The following SOX6 variants were observed in gnomAD, a reference collection of about 807,000 sequenced individuals.
SOX6 encodes transcription factor SOX-6.
Under a neutral mutation model 97.8 loss-of-function variants are expected in SOX6, and 11 were observed. The observed-to-expected ratio is 0.11, with a 90% CI of 0.07 to 0.19. The LOEUF is 0.19. Ranked by LOEUF, SOX6 falls within the 10% of genes least tolerant of loss-of-function variation. SOX6 has a pLI of 1.00. For missense variants in SOX6, 810 were observed against 1,039.5 expected (o/e 0.78, Z 3.04); for synonymous variants, 360 against 371.4 (o/e 0.97, Z 0.35).
intron 4 of SOX6, among the ~76,000 whole-genome samples, chr11:16,193,439 C>A (rs1851685001): frequency 6.6e-6 from 1 of 152,056 alleles, no homozygotes; most frequent in Non-Finnish European, 1.5e-5. Flanking sequence ...AATTAATAGT[C>A]AACTAATGGC....
chr11:16,040,469 A>T (rs751209260), intron 12 of SOX6, among the ~76,000 whole-genome samples: 1 of 152,098 alleles, frequency 6.6e-6, no homozygotes, highest in East Asian at 1.9e-4. Context: ...TGTAAAATCC[A>T]ACATTAATAA....
chr11:16,723,980 C>T (rs1451625571), intron 2 of SOX6, among the ~76,000 whole-genome samples: 1 of 152,160 alleles, frequency 6.6e-6, no homozygotes, highest in Non-Finnish European at 1.5e-5. Context: ...TTCAACAACA[C>T]TAGTTTGTAT....
At chr11:16,299,430 T>A (rs1855190119) in intron 3 of SOX6, among the ~76,000 whole-genome samples, 1 of 152,146 alleles carries the variant, frequency 6.6e-6, no homozygotes, top group Admixed American at 6.5e-5. Context: ...AGATTTTTTT[T>A]ATAAAAAACG....
At chr11:16,235,934 A>G (rs1853006446) in intron 3 of SOX6, among the ~76,000 whole-genome samples, 1 of 152,068 alleles carries the variant, frequency 6.6e-6, no homozygotes, top group South Asian at 2.1e-4. Flanking sequence ...TCAATCAAGG[A>G]AGGGATAGAA....
chr11:16,029,833 T>C (rs1032290692), intron 12 of SOX6, among the ~76,000 whole-genome samples: 1 of 152,186 alleles, frequency 6.6e-6, no homozygotes, highest in Non-Finnish European at 1.5e-5. Flanking sequence ...AGATCATGAA[T>C]ATAATAATTA....
At chr11:16,708,093 T>C (rs1848150868) in intron 3 of SOX6, among the ~76,000 whole-genome samples, 1 of 152,152 alleles carries the variant, frequency 6.6e-6, no homozygotes, top group African/African-American at 2.4e-5. Context: ...AACTACCATA[T>C]AGCCACTTTA....
chr11:16,017,149 T>C (rs1854909523), intron 12 of SOX6, among the ~76,000 whole-genome samples: 2 of 152,036 alleles, frequency 1.3e-5, no homozygotes, highest in Non-Finnish European at 2.9e-5. Context: ...TTATAAAAAA[T>C]GAAGTGCACT....
chr11:16,193,141 G>A (rs1307901680), intron 4 of SOX6, among the ~76,000 whole-genome samples: 2 of 152,182 alleles, frequency 1.3e-5, no homozygotes, highest in Non-Finnish European at 1.5e-5. Flanking sequence ...AGAGTTAAGA[G>A]AGGAAAAGAG....
intron 7 of SOX6, among the ~76,000 whole-genome samples, chr11:16,109,464 C>T (rs1187210129): frequency 2.6e-5 from 4 of 151,948 alleles, no homozygotes; most frequent in Admixed American, 1.3e-4. Flanking sequence ...AGCCTCCCAA[C>T]GTGCTGGGAT....
chr11:16,125,438 A>G (rs2134012418), intron 6 of SOX6, among the ~76,000 whole-genome samples: 1 of 152,206 alleles, frequency 6.6e-6, no homozygotes, highest in East Asian at 1.9e-4. Flanking sequence ...TAAAAGTACA[A>G]AGATCGATAT....
intron 1 of SOX6, among the ~76,000 whole-genome samples, chr11:16,421,805 T>C (rs2133065794): frequency 6.6e-6 from 1 of 152,364 alleles, no homozygotes; most frequent in South Asian, 2.1e-4. Flanking sequence ...CACTGTTAAG[T>C]ATTGGAGTGA....
At chr11:16,373,821 G>GAGGAAGGA (rs149710263) in intron 1 of SOX6, among the ~76,000 whole-genome samples, 9 of 105,442 alleles carry the variant, frequency 8.5e-5, no homozygotes, top group African/African-American at 3.5e-4. Flanking sequence ...GGGAGGGAGA[G>GAGGAAGGA]AGGAAGGAAG....
At chr11:16,338,240 T>C (rs182396072) in intron 2 of SOX6, among the ~76,000 whole-genome samples, 4 of 152,190 alleles carry the variant, frequency 2.6e-5, no homozygotes, top group South Asian at 4.1e-4. Context: ...ATTAAAAAAC[T>C]ACAAGTTTTA....
intron 8 of SOX6, among the ~76,000 whole-genome samples, chr11:16,096,425 G>A (rs1420580213): frequency 2.6e-5 from 4 of 151,812 alleles, no homozygotes; most frequent in Non-Finnish European, 4.4e-5. Context: ...GTAGGTTTCA[G>A]TGTTAGTAGC....
At chr11:16,194,675 C>T (rs1411523558) in intron 4 of SOX6, among the ~76,000 whole-genome samples, 2 of 152,224 alleles carry the variant, frequency 1.3e-5, no homozygotes. Context: ...ACCAGGCACA[C>T]TCAAGTCTCC....
chr11:16,040,105 A>T (rs1855620651), intron 12 of SOX6, among the ~76,000 whole-genome samples: 1 of 152,032 alleles, frequency 6.6e-6, no homozygotes, highest in Non-Finnish European at 1.5e-5. Flanking sequence ...AATATATCGA[A>T]TTTTAGCCAT....
At position 16,655,111 on chromosome 11, in the gene SOX6, C is replaced by T. The variant is rs142210291; in HGVS notation, n.430-42851G>A. Among the ~76,000 whole-genome samples the T allele has an allele frequency of 7.9e-4, 121 of 152,240 alleles. 1 individual carries two copies. The highest frequency in any genetic ancestry group is 2.7e-3 in the African/African-American group (111 of 41,562). Reference sequence around the variant, plus strand: ...GAGTGAAGGGAGAATTCACCCAAAACCTCATGGGGACTTGTCTATTTCTTC... The same window carrying T: ...GAGTGAAGGGAGAATTCACCCAAAATCTCATGGGGACTTGTCTATTTCTTC... On this transcript the variant is annotated intron_variant and non_coding_transcript_variant, in intron 3 of 5. Coordinates refer to the SOX6 transcript ENST00000524520.
chr11:16,551,912 T>C (rs1847691836), intron 4 of SOX6, among the ~76,000 whole-genome samples: 1 of 152,054 alleles, frequency 6.6e-6, no homozygotes, highest in African/African-American at 2.4e-5. Context: ...GCCTGAAAAA[T>C]TTATTCAAAA....
At chr11:16,105,548 A>T (rs1849057723) in intron 7 of SOX6, among the ~76,000 whole-genome samples, 1 of 152,042 alleles carries the variant, frequency 6.6e-6, no homozygotes, top group South Asian at 2.1e-4. Context: ...AGCCTGGACA[A>T]CAGAGCTAGA....
Sources: allele counts gnomAD v4.1 joint callset (sites outside exome capture counted in the v4.1 genomes callset), GRCh38; gene constraint gnomAD v4.1.1; transcripts MANE v1.5; gene names NCBI Gene and HGNC (gene_info 2026-07-23, HGNC 2026-07-21).